The following MTTP variants were observed in gnomAD, a reference collection of about 807,000 sequenced individuals.
MTTP encodes microsomal triglyceride transfer protein large subunit.
Under a neutral mutation model 90.6 loss-of-function variants are expected in MTTP, and 49 were observed. The ratio of observed to expected loss-of-function variants is 0.54; its 90% CI spans 0.43 to 0.69. The LOEUF is 0.69. Ranked by LOEUF, MTTP falls within the 30% of genes least tolerant of loss-of-function variation. The probability of loss-of-function intolerance (pLI) is 0.00; values close to 1 mark genes in which losing one functional copy is unlikely to be tolerated. For synonymous variants in MTTP, 347 were observed against 384.2 expected (o/e 0.90, Z 1.13); for missense variants, 945 against 1,067.5 (o/e 0.89, Z 1.60).
At chr4:99,597,297 A>G in intron 8 of MTTP, 73 bp downstream of exon 8, 2 of 1,565,956 alleles carry the variant, frequency 1.3e-6, no homozygotes, top group Non-Finnish European at 1.7e-6. Flanking sequence ...TGAAGTAAGA[A>G]AGACCCCTTT....
rs750890094 is a variant in MTTP at position 99,622,869 on chromosome 4, C to T, written c.*21C>T. ...TTTGAAACTGACCTGTGATATTTTA[C>T]TTGAATTTGTCTCCCCGAAAGGGAC... On this transcript the variant is annotated 3_prime_UTR_variant, in exon 18 of 18. Coordinates refer to ENST00000265517, the MANE Select transcript of MTTP (RefSeq NM_001386140.1). 2 of 1,612,480 alleles carry T rather than the reference C, an allele frequency of 1.2e-6. No homozygotes were observed. Among genetic ancestry groups the T allele is most frequent in the South Asian group, 2.2e-5 (2 of 91,040 alleles).
In MTTP at chr4:99,611,413, T is replaced by A. The variant is rs772056581; in HGVS notation, c.1949T>A (p.Ile650Asn). 6.2e-7 allele frequency: 1 copy of A among 1,614,114 alleles called. No individual in the cohort carries two copies. The highest frequency in any genetic ancestry group is 1.7e-5 in the Admixed American group (1 of 60,012). Residue 650 changes from isoleucine (I) to asparagine (N), a missense_variant, in exon 14 of 18, where the codon ATC (isoleucine) becomes AAC (asparagine). By Grantham distance (149) the Ile-to-Asn change is moderately radical. Coordinates refer to ENST00000265517, the MANE Select transcript of MTTP (RefSeq NM_001386140.1). ...ATTCTAAGGAGAAGTAACCTGAACATCTTTCAGTACATTGGGAAGGCTGGT... is the reference window on the plus strand; with the variant it reads ...ATTCTAAGGAGAAGTAACCTGAACAACTTTCAGTACATTGGGAAGGCTGGT... Reference protein sequence around the residue: ...SGILRRSNLNIFQYIGKAGLH... With the variant: ...SGILRRSNLNNFQYIGKAGLH...
intron 2 of MTTP, among the ~76,000 whole-genome samples, chr4:99,582,911 A>G (rs1372580773): frequency 1.3e-5 from 2 of 152,156 alleles, no homozygotes; most frequent in African/African-American, 2.4e-5. Context: ...TCTCTGAGCC[A>G]TTTCTCAATA....
chr4:99,608,723 T>A (rs1725879383), intron 11 of MTTP, 43 bp from the exon 12 acceptor site: 2 of 1,447,946 alleles, frequency 1.4e-6, no homozygotes, highest in African/African-American at 1.4e-5. Flanking sequence ...ATGTCCATTT[T>A]AAAAATCTAG....
chr4:99,576,044 A>G (rs1436569940), intron 1 of MTTP, among the ~76,000 whole-genome samples: 2 of 152,236 alleles, frequency 1.3e-5, no homozygotes, highest in African/African-American at 4.8e-5. Context: ...ATTTAAACCA[A>G]TTCACCTCAG....
At chr4:99,574,443 T>G (rs1335890103), upstream of MTTP, among the ~76,000 whole-genome samples, 1 of 152,206 alleles carries the variant, frequency 6.6e-6, no homozygotes, top group Non-Finnish European at 1.5e-5. Flanking sequence ...TTGGTTAGGT[T>G]TAGCAGAGTT....
At chr4:99,577,236 T>C (rs754035649) in intron 1 of MTTP, among the ~76,000 whole-genome samples, 49 of 152,112 alleles carry the variant, frequency 3.2e-4, no homozygotes, top group Non-Finnish European at 6.6e-4. Context: ...GCCTCAAAAC[T>C]CATCTCTAAA....
exon 1 of MTTP, chr4:99,564,208 C>T (rs1156810347): frequency 2.0e-6 from 3 of 1,535,484 alleles, no homozygotes. Context: ...AAGTGTGTAC[C>T]TGCAGACGTG....
upstream of MTTP, among the ~76,000 whole-genome samples, chr4:99,573,188 GAC>G (rs1437872971): frequency 6.6e-6 from 1 of 152,042 alleles, no homozygotes; most frequent in African/African-American, 2.4e-5. Context: ...AATACATAAG[GAC>G]AGCTCTCATA....
chr4:99,583,642 C>G, intron 3 of MTTP, 125 bp downstream of exon 3: 7 of 1,167,990 alleles, frequency 6.0e-6, no homozygotes, highest in Non-Finnish European at 8.9e-6. Context: ...TCTTCAAGAA[C>G]TAAAGAACAG....
chr4:99,577,108 C>A (rs1040083713), intron 1 of MTTP, among the ~76,000 whole-genome samples: 6 of 152,142 alleles, frequency 3.9e-5, no homozygotes, highest in Non-Finnish European at 8.8e-5. Flanking sequence ...CATTATGGTA[C>A]CATGATTTAA....
chr4:99,619,470 G>C (rs1206729871), intron 16 of MTTP, among the ~76,000 whole-genome samples: 1 of 152,074 alleles, frequency 6.6e-6, no homozygotes, highest in Non-Finnish European at 1.5e-5. Context: ...AATTTCATCT[G>C]TGCAGAAACT....
At chr4:99,567,955 A>T (rs1156728515) in intron 1 of MTTP, among the ~76,000 whole-genome samples, 3 of 152,190 alleles carry the variant, frequency 2.0e-5, no homozygotes, top group Non-Finnish European at 4.4e-5. Flanking sequence ...TTGCTATAAT[A>T]GAAAAGAGAA....
intron 10 of MTTP, among the ~76,000 whole-genome samples, chr4:99,602,422 C>A (rs1725721055): frequency 6.6e-6 from 1 of 152,014 alleles, no homozygotes; most frequent in Non-Finnish European, 1.5e-5. Flanking sequence ...AAATATATAA[C>A]AACATAGTCT....
intron 7 of MTTP, 122 bp from the exon 8 acceptor site, chr4:99,596,945 G>A (rs1049509101): frequency 5.5e-6 from 7 of 1,262,618 alleles, no homozygotes; most frequent in African/African-American, 2.9e-5. Flanking sequence ...ATTGAGGTAA[G>A]GTACAAAAAG....
At chr4:99,619,234 G>T in intron 16 of MTTP, 136 bp downstream of exon 16, 1 of 869,792 alleles carries the variant, frequency 1.1e-6, no homozygotes, top group Non-Finnish European at 1.8e-6. Flanking sequence ...AAACGATAGA[G>T]TTGGAAGTGA....
upstream of MTTP, chr4:99,574,701 C>T: frequency 9.0e-7 from 1 of 1,113,614 alleles, no homozygotes; most frequent in Admixed American, 2.0e-5. Context: ...CTGAAAACTG[C>T]AGCCCACCTA....
Position 99,567,200 on chromosome 4 carries a change from T to C in MTTP, c.-102+2963T>C, listed in dbSNP as rs371508639. ...GGTATCCTCCCACGTAATATATGAA[T>C]ATTGAAGACTCTGGGAAGGTGATTA... On this transcript the variant is annotated intron_variant, in intron 1 of 18. Transcript: ENST00000457717. Among the ~76,000 whole-genome samples the C allele has an allele frequency of 6.0e-4, 91 of 152,344 alleles. 2 individuals are homozygous for C. The East Asian group carries it at 0.01, about 17-fold the overall frequency.
chr4:99,597,979 T>C (rs1725599098), intron 8 of MTTP, among the ~76,000 whole-genome samples: 1 of 152,162 alleles, frequency 6.6e-6, no homozygotes, highest in Middle Eastern at 3.4e-3. Flanking sequence ...ATTAACATAA[T>C]CAAAAGTGGA....
Sources: gnomAD v4.1 joint callset for allele counts (sites outside exome capture counted in the v4.1 genomes callset) on GRCh38, gnomAD v4.1.1 for gene constraint, MANE v1.5 for transcripts, NCBI Gene and HGNC (gene_info 2026-07-23, HGNC 2026-07-21) for gene names.